The following PTPN3 variants were observed in gnomAD, a reference collection of about 807,000 sequenced individuals.
PTPN3 encodes the protein protein tyrosine phosphatase non-receptor type 3.
Under a neutral mutation model 132.7 loss-of-function variants are expected in PTPN3, and 96 were observed. The observed-to-expected ratio is 0.72, with a 90% CI of 0.61 to 0.86. PTPN3 has a LOEUF of 0.86. Ranked by LOEUF, PTPN3 falls within the 40% of genes least tolerant of loss-of-function variation. The pLI, the probability that PTPN3 is intolerant of heterozygous loss-of-function variation, is 0.00. For synonymous variants in PTPN3, 398 were observed against 429.0 expected (o/e 0.93, Z 0.89); for missense variants, 1,125 against 1,159.6 (o/e 0.97, Z 0.43).
At chr9:109,409,059 G>A (rs565431490) in intron 16 of PTPN3, among the ~76,000 whole-genome samples, 9 of 151,884 alleles carry the variant, frequency 5.9e-5, no homozygotes, top group East Asian at 1.9e-4. Context: ...ATGAGTAAAC[G>A]TTTTCTGTAA....
intron 1 of PTPN3, among the ~76,000 whole-genome samples, chr9:109,493,305 T>G (rs1847540244): frequency 6.6e-6 from 1 of 152,212 alleles, no homozygotes; most frequent in Non-Finnish European, 1.5e-5. Context: ...TTACAAACAC[T>G]GTGCTCTTTG....
chr9:109,476,648 G>T (rs552546107), intron 1 of PTPN3, among the ~76,000 whole-genome samples: 1 of 152,272 alleles, frequency 6.6e-6, no homozygotes, highest in South Asian at 2.1e-4. Context: ...GAGGTTTGAA[G>T]GAATAGCCAG....
rs116090053 is a variant in PTPN3, at chr9:109,389,055, G to C, written c.2253+178C>G. Among the ~76,000 whole-genome samples the C allele has an allele frequency of 8.6e-3, 1,311 of 152,240 alleles. 19 individuals are homozygous for C. Among genetic ancestry groups the C allele is most frequent in the African/African-American group, 0.03 (1,240 of 41,546 alleles). On this transcript the variant is annotated intron_variant, in intron 22 of 25. Transcript: ENST00000374541. Reference sequence around the variant, plus strand: ...ATGGATCCAAGCTGGGACTGGGGAGGAGGAGGGCTGAGCCTCCCGTCACTA... The same window carrying C: ...ATGGATCCAAGCTGGGACTGGGGAGCAGGAGGGCTGAGCCTCCCGTCACTA...
At chr9:109,389,162 C>CGCTGAGATTCATGTTAA in intron 22 of PTPN3, 71 bp downstream of exon 22, 1 of 1,562,704 alleles carries the variant, frequency 6.4e-7, no homozygotes, top group South Asian at 1.2e-5. Flanking sequence ...CCCTTCTCAG[C>CGCTGAGATTCATGTTAA]GCTGAGATTC....
At chr9:109,513,884 T>C in the PTPN3 span, among the ~76,000 whole-genome samples, 5 of 152,220 alleles carry the variant, frequency 3.3e-5, no homozygotes, top group South Asian at 2.1e-4. Context: ...AAATGGCTAA[T>C]TAAGATATTA....
chr9:109,515,150 G>A, the PTPN3 span, among the ~76,000 whole-genome samples: 7 of 152,234 alleles, frequency 4.6e-5, no homozygotes, highest in East Asian at 1.4e-3. Context: ...AGCCTACTGA[G>A]TAGCTGGGAC....
chr9:109,478,845 G>C (rs1476674882), intron 1 of PTPN3, among the ~76,000 whole-genome samples: 2 of 152,166 alleles, frequency 1.3e-5, no homozygotes, highest in Non-Finnish European at 2.9e-5. Context: ...GAGGGGACCA[G>C]GCTTCGCCCA....
At position 109,433,501 on chromosome 9, in the gene PTPN3, T is replaced by C. The variant is rs185789163; in HGVS notation, c.676-340A>G. The stretch of plus-strand genomic sequence containing the variant: ...CACTAAATCAGAAAGGCCTCACCCC[T>C]TTGCAAAGCTTTTTGCAAATCTCAA... On this transcript the variant is annotated intron_variant, in intron 9 of 25. Coordinates refer to ENST00000374541, the MANE Select transcript of PTPN3 (RefSeq NM_002829.4). Among the ~76,000 whole-genome samples the C allele has an allele frequency of 5.5e-4, 84 of 152,336 alleles. No homozygotes were observed. The East Asian group carries it at 0.014, about 26-fold the overall frequency.
intron 1 of PTPN3, among the ~76,000 whole-genome samples, chr9:109,475,449 C>G (rs1484748576): frequency 1.3e-5 from 2 of 152,144 alleles, no homozygotes; most frequent in African/African-American, 2.4e-5. Context: ...GTAAAGCTCA[C>G]AAAATAGACA....
chr9:109,394,379 G>A (rs184313357), intron 19 of PTPN3, among the ~76,000 whole-genome samples: 198 of 151,776 alleles, frequency 1.3e-3, no homozygotes, highest in African/African-American at 4.6e-3. Context: ...ATGATCTGTT[G>A]ATAAATTTGT....
chr9:109,394,671 A>G (rs912622827), intron 19 of PTPN3, among the ~76,000 whole-genome samples: 5 of 152,192 alleles, frequency 3.3e-5, no homozygotes, highest in Admixed American at 2.0e-4. Flanking sequence ...TATACAAATT[A>G]TACAATGAAT....
chr9:109,520,266 C>G, the PTPN3 span, among the ~76,000 whole-genome samples: 1 of 152,090 alleles, frequency 6.6e-6, no homozygotes, highest in Non-Finnish European at 1.5e-5. Context: ...CCCCAGGGAA[C>G]TTGACTCCAA....
chr9:109,458,176 C>T (rs973640490), intron 2 of PTPN3, among the ~76,000 whole-genome samples: 1 of 152,192 alleles, frequency 6.6e-6, no homozygotes, highest in Non-Finnish European at 1.5e-5. Context: ...AGTCGAGGCA[C>T]AGTGGACACC....
chr9:109,483,788 G>A (rs1847077127), intron 1 of PTPN3, among the ~76,000 whole-genome samples: 1 of 152,168 alleles, frequency 6.6e-6, no homozygotes, highest in African/African-American at 2.4e-5. Flanking sequence ...TCTCCAAGCA[G>A]CCAGGCAGAA....
chr9:109,456,416 CACAGTT>C (rs1224742435), intron 4 of PTPN3, among the ~76,000 whole-genome samples: 2 of 152,112 alleles, frequency 1.3e-5, no homozygotes, highest in African/African-American at 4.8e-5. Context: ...GGGAGCCACC[CACAGTT>C]TCTAGGAGAG....
chr9:109,422,692 C>CAAA (rs111591001), intron 13 of PTPN3, 26 bp downstream of exon 13: 339 of 1,442,552 alleles, frequency 2.3e-4, no homozygotes, highest in South Asian at 1.0e-3. Flanking sequence ...TTGGGTAGTA[C>CAAA]AAAAAAAAAA....
chr9:109,400,383 C>A (rs1339167417), intron 19 of PTPN3, among the ~76,000 whole-genome samples: 1 of 152,180 alleles, frequency 6.6e-6, no homozygotes, highest in African/African-American at 2.4e-5. Context: ...TAAATGAACT[C>A]ACAAGATACC....
At chr9:109,433,230 G>C in intron 9 of PTPN3, 69 bp from the exon 10 acceptor site, 2 of 1,593,350 alleles carry the variant, frequency 1.3e-6, no homozygotes, top group East Asian at 2.3e-5. Context: ...TGACTTTAAA[G>C]CACCCACGCT....
the PTPN3 span, among the ~76,000 whole-genome samples, chr9:109,536,579 G>A: frequency 6.6e-6 from 1 of 152,142 alleles, no homozygotes; most frequent in Non-Finnish European, 1.5e-5. Flanking sequence ...CGTGGCACAG[G>A]GCTGCAAAAA....
Sources: allele counts gnomAD v4.1 joint callset (sites outside exome capture counted in the v4.1 genomes callset), GRCh38; gene constraint gnomAD v4.1.1; transcripts MANE v1.5; gene names NCBI Gene and HGNC (gene_info 2026-07-23, HGNC 2026-07-21).